The following GRIK4 variants were observed in gnomAD, a reference collection of about 807,000 sequenced individuals.
GRIK4 encodes glutamate ionotropic receptor kainate type subunit 4.
In GRIK4, 40 loss-of-function variants were observed where a neutral mutation model predicts 104.9. That is an observed-to-expected ratio of 0.38 (90% CI 0.30 to 0.50). GRIK4 has a LOEUF of 0.50. Among genes scored for constraint, GRIK4 ranks in the 20% least tolerant of loss-of-function variants. The pLI is 0.93. For synonymous variants in GRIK4, 485 were observed against 524.9 expected (o/e 0.92, Z 1.04); for missense variants, 1,047 against 1,308.1 (o/e 0.80, Z 3.08).
intron 13 of GRIK4, among the ~76,000 whole-genome samples, chr11:120,911,439 G>A (rs1270568789): frequency 7.4e-5 from 11 of 148,348 alleles, no homozygotes; most frequent in African/African-American, 2.4e-4. Flanking sequence ...GGGTTTCACC[G>A]TGTTAGCCAG....
At chr11:120,616,217 C>T (rs1949111495) in intron 1 of GRIK4, among the ~76,000 whole-genome samples, 1 of 152,038 alleles carries the variant, frequency 6.6e-6, no homozygotes, top group African/African-American at 2.4e-5. Context: ...GTGGACTGAC[C>T]CATATTTGAG....
chr11:120,521,718 A>T (rs1042664586), intron 1 of GRIK4, among the ~76,000 whole-genome samples: 10 of 152,168 alleles, frequency 6.6e-5, no homozygotes, highest in African/African-American at 1.9e-4. Flanking sequence ...TTGTCAGGTA[A>T]TGAGAACGCC....
intron 12 of GRIK4, among the ~76,000 whole-genome samples, chr11:120,899,893 A>G (rs1289089006): frequency 6.6e-6 from 1 of 152,208 alleles, no homozygotes; most frequent in South Asian, 2.1e-4. Context: ...ATCATTGCTA[A>G]CTGTGCAAGG....
intron 1 of GRIK4, among the ~76,000 whole-genome samples, chr11:120,542,020 A>G (rs1948043147): frequency 6.6e-6 from 1 of 152,250 alleles, no homozygotes; most frequent in Non-Finnish European, 1.5e-5. Context: ...ACAGTCTTAA[A>G]CAAAGTTGGA....
At chr11:120,711,180 A>G (rs1950729647) in intron 3 of GRIK4, among the ~76,000 whole-genome samples, 1 of 152,174 alleles carries the variant, frequency 6.6e-6, no homozygotes, top group African/African-American at 2.4e-5. Context: ...ATCAAATACT[A>G]ATGGCAGCAG....
At chr11:120,779,058 C>T (rs918839902) in intron 3 of GRIK4, among the ~76,000 whole-genome samples, 5 of 152,170 alleles carry the variant, frequency 3.3e-5, no homozygotes, top group African/African-American at 1.2e-4. Flanking sequence ...GGGACAGGTG[C>T]ACCAGGACCT....
At chr11:120,706,233 C>T (rs1950626717) in intron 3 of GRIK4, among the ~76,000 whole-genome samples, 1 of 152,180 alleles carries the variant, frequency 6.6e-6, no homozygotes, top group South Asian at 2.1e-4. Context: ...CTGATCTCTG[C>T]CTGTAATTCT....
At chr11:120,946,047 G>C (rs1943851513) in intron 14 of GRIK4, among the ~76,000 whole-genome samples, 1 of 152,200 alleles carries the variant, frequency 6.6e-6, no homozygotes, top group Admixed American at 6.5e-5. Context: ...TAATTCCAAG[G>C]ACATTCTGCA....
chr11:120,926,222 C>T (rs1943342898), intron 13 of GRIK4, among the ~76,000 whole-genome samples: 2 of 152,120 alleles, frequency 1.3e-5, no homozygotes, highest in South Asian at 4.1e-4. Flanking sequence ...TCTTTCACAC[C>T]TCAACTATAT....
At chr11:120,711,343 TC>T (rs1423504069) in intron 3 of GRIK4, among the ~76,000 whole-genome samples, 2 of 152,144 alleles carry the variant, frequency 1.3e-5, no homozygotes, top group African/African-American at 4.8e-5. Flanking sequence ...GACGAGATGT[TC>T]CTCGCTTCAT....
At chr11:120,680,860 C>A (rs10790397) in intron 3 of GRIK4, among the ~76,000 whole-genome samples, 69,438 of 151,756 alleles carry the variant, frequency 0.46, 16,221 homozygotes, top group East Asian at 0.55. Flanking sequence ...GGGTCTCTCT[C>A]CAAGGACCCT....
At chr11:120,898,855 C>T (rs1164771996) in intron 12 of GRIK4, among the ~76,000 whole-genome samples, 1 of 152,146 alleles carries the variant, frequency 6.6e-6, no homozygotes, top group Non-Finnish European at 1.5e-5. Flanking sequence ...GGTGGAGAGA[C>T]ACCACAGTTT....
chr11:120,929,023 ATGTGTGTG>A (rs71050760), intron 13 of GRIK4, among the ~76,000 whole-genome samples: 1 of 89,506 alleles, frequency 1.1e-5, no homozygotes, highest in Non-Finnish European at 2.6e-5. Flanking sequence ...GTGTGCGCAC[ATGTGTGTG>A]TGTGTGTGTG....
At chr11:120,590,488 A>G (rs1256532409) in intron 1 of GRIK4, among the ~76,000 whole-genome samples, 1 of 152,182 alleles carries the variant, frequency 6.6e-6, no homozygotes, top group Non-Finnish European at 1.5e-5. Context: ...GCACCCTGAC[A>G]TCCAGGTGCA....
intron 1 of GRIK4, among the ~76,000 whole-genome samples, chr11:120,598,044 G>A (rs1948828752): frequency 6.6e-6 from 1 of 152,168 alleles, no homozygotes; most frequent in Non-Finnish European, 1.5e-5. Context: ...AGAGCCAAGC[G>A]GCTGTTTTAA....
At chr11:120,861,349 C>G (rs926583773) in intron 8 of GRIK4, among the ~76,000 whole-genome samples, 1 of 152,040 alleles carries the variant, frequency 6.6e-6, no homozygotes, top group African/African-American at 2.4e-5. Flanking sequence ...CTCAAGTGAT[C>G]CATCCTTCTC....
intron 1 of GRIK4, among the ~76,000 whole-genome samples, chr11:120,593,522 T>G (rs1048975994): frequency 1.3e-5 from 2 of 152,094 alleles, no homozygotes; most frequent in African/African-American, 2.4e-5. Flanking sequence ...AGGTCTGTCT[T>G]TCTCGTATCC....
chr11:120,933,483 C>T (rs755291980), intron 13 of GRIK4, among the ~76,000 whole-genome samples: 11 of 152,144 alleles, frequency 7.2e-5, no homozygotes, highest in Admixed American at 2.0e-4. Flanking sequence ...TTATTATACC[C>T]GCGTTACAGA....
chr11:120,572,515 G>A (rs984251773), intron 1 of GRIK4, among the ~76,000 whole-genome samples: 3 of 152,158 alleles, frequency 2.0e-5, no homozygotes, highest in Non-Finnish European at 4.4e-5. Flanking sequence ...TTCGCAGGCT[G>A]TCTTTGGGAA....
Sources: allele counts gnomAD v4.1 joint callset (sites outside exome capture counted in the v4.1 genomes callset), GRCh38; gene constraint gnomAD v4.1.1; transcripts MANE v1.5; gene names NCBI Gene and HGNC (gene_info 2026-07-23, HGNC 2026-07-21).